The following SLC35F4 variants were observed in gnomAD, a reference collection of about 807,000 sequenced individuals.
SLC35F4 encodes the protein chromosome 14 open reading frame 36.
SLC35F4 carries 24 observed loss-of-function variants against 44.2 expected under a neutral mutation model. The observed-to-expected ratio is 0.54, with a 90% CI of 0.39 to 0.76. The LOEUF is 0.76. Ranked by LOEUF, SLC35F4 falls within the 30% of genes least tolerant of loss-of-function variation. The probability of loss-of-function intolerance (pLI) is 0.00; values close to 1 mark genes in which losing one functional copy is unlikely to be tolerated. For missense variants in SLC35F4, 562 were observed against 586.1 expected, an observed-to-expected ratio of 0.96 and a Z score of 0.42; for synonymous variants, 238 against 223.6, an observed-to-expected ratio of 1.06 and a Z score of -0.57.
downstream of SLC35F4, among the ~76,000 whole-genome samples, chr14:57,972,060 T>C (rs1240679499): frequency 2.6e-5 from 4 of 151,988 alleles, no homozygotes. Context: ...ATGAGGAACA[T>C]TACAGGCAAA....
chr14:57,617,091 CCATATT>C (rs1297775210), intron 1 of SLC35F4, among the ~76,000 whole-genome samples: 11 of 150,872 alleles, frequency 7.3e-5, no homozygotes, highest in South Asian at 6.3e-4. Context: ...TAGGGAAACC[CCATATT>C]GGAAATTCGA....
At chr14:57,767,203 T>C (rs1204098282) in intron 1 of SLC35F4, among the ~76,000 whole-genome samples, 2 of 152,166 alleles carry the variant, frequency 1.3e-5, no homozygotes, top group African/African-American at 4.8e-5. Context: ...AGCAAGGACA[T>C]AGAGGATCTG....
intron 1 of SLC35F4, among the ~76,000 whole-genome samples, chr14:57,795,293 C>T (rs969292215): frequency 6.6e-6 from 1 of 152,114 alleles, no homozygotes; most frequent in Admixed American, 6.6e-5. Flanking sequence ...TTTGTTCTGT[C>T]TATGACTTTC....
intron 1 of SLC35F4, among the ~76,000 whole-genome samples, chr14:57,667,337 GTTTAT>G (rs968317239): frequency 3.0e-5 from 4 of 134,302 alleles, no homozygotes; most frequent in African/African-American, 7.4e-5. Flanking sequence ...TGTTGTTGTT[GTTTAT>G]TTATTTTTAC....
chr14:57,934,115 G>A (rs1889752124), intron 1 of SLC35F4, among the ~76,000 whole-genome samples: 1 of 152,010 alleles, frequency 6.6e-6, no homozygotes, highest in South Asian at 2.1e-4. Flanking sequence ...AAGGAGAGAA[G>A]CAGTTATTTT....
At chr14:57,762,309 C>T (rs911151458) in intron 1 of SLC35F4, among the ~76,000 whole-genome samples, 1 of 152,104 alleles carries the variant, frequency 6.6e-6, no homozygotes, top group Non-Finnish European at 1.5e-5. Flanking sequence ...CATTCTGGAA[C>T]TTTCATTTTG....
At chr14:57,659,914 C>T (rs2140232420) in intron 1 of SLC35F4, among the ~76,000 whole-genome samples, 1 of 152,208 alleles carries the variant, frequency 6.6e-6, no homozygotes, top group Admixed American at 6.5e-5. Flanking sequence ...TACAAGAAGC[C>T]TGCCAAAGAA....
At chr14:57,979,637 T>A (rs1881320330) in intron 1 of SLC35F4, among the ~76,000 whole-genome samples, 1 of 151,790 alleles carries the variant, frequency 6.6e-6, no homozygotes, top group South Asian at 2.1e-4. Context: ...CCTTGACCAA[T>A]GCAAGAGGGA....
intron 1 of SLC35F4, among the ~76,000 whole-genome samples, chr14:57,646,379 C>T (rs561217988): frequency 1.7e-4 from 26 of 152,066 alleles, no homozygotes; most frequent in Non-Finnish European, 2.9e-4. Context: ...GGAATTTATC[C>T]ATTTCTTCTA....
chr14:57,880,165 T>G (rs914604222), intron 1 of SLC35F4, among the ~76,000 whole-genome samples: 6 of 152,118 alleles, frequency 3.9e-5, no homozygotes, highest in Non-Finnish European at 1.5e-5. Context: ...GTTTCCTCAT[T>G]TTTAAAATGG....
chr14:57,705,468 A>G (rs1286973417), intron 1 of SLC35F4, among the ~76,000 whole-genome samples: 1 of 152,160 alleles, frequency 6.6e-6, no homozygotes, highest in African/African-American at 2.4e-5. Context: ...CGCATCCCAG[A>G]AAGCTGCCCT....
intron 1 of SLC35F4, among the ~76,000 whole-genome samples, chr14:57,650,104 C>A (rs962830546): frequency 3.3e-5 from 5 of 152,076 alleles, no homozygotes; most frequent in Non-Finnish European, 5.9e-5. Context: ...ACTTCTCCAC[C>A]TTATCATTAA....
chr14:57,589,179 C>G, intron 3 of SLC35F4, 37 bp downstream of exon 3: 1 of 1,542,524 alleles, frequency 6.5e-7, no homozygotes, highest in Non-Finnish European at 8.7e-7. Flanking sequence ...TAAAACATTT[C>G]AATGATCTCT....
chr14:57,764,311 C>T lies in SLC35F4; in HGVS notation c.103+101412G>A, dbSNP rs183567224. ...CCTTTTGGTCTCCTTGCTGTAGGTT[C>T]TAAAAAAAAAAGAGAGCCACTTTGG... On this transcript the variant is annotated intron_variant, in intron 1 of 7. Transcript: ENST00000556826. Among the ~76,000 whole-genome samples, 51 of 151,064 alleles carry T rather than the reference C, an allele frequency of 3.4e-4. No homozygotes were observed. In the East Asian group the frequency reaches 9.5e-3, roughly 28 times the overall value.
chr14:57,625,564 A>G (rs532334748), intron 1 of SLC35F4, among the ~76,000 whole-genome samples: 1 of 152,344 alleles, frequency 6.6e-6, no homozygotes, highest in Non-Finnish European at 1.5e-5. Flanking sequence ...CTACAAGGCT[A>G]CAGAAACCAA....
chr14:57,946,522 T>C (rs1364013279), intron 1 of SLC35F4, among the ~76,000 whole-genome samples: 2 of 147,102 alleles, frequency 1.4e-5, no homozygotes, highest in Non-Finnish European at 3.0e-5. Flanking sequence ...TCACCCAGGT[T>C]GGAGTGCAGT....
chr14:57,599,820 C>T (rs746643538), intron 1 of SLC35F4, among the ~76,000 whole-genome samples: 3 of 108,558 alleles, frequency 2.8e-5, no homozygotes, highest in Admixed American at 9.5e-5. Flanking sequence ...AAAAAAAAAA[C>T]AACACCAGAA....
rs572660364 is a variant in SLC35F4, at chr14:57,865,989, A to AGCGGCGGCG, written c.-173_-165dup. 5.3e-4 allele frequency: 198 copies of AGCGGCGGCG among 373,324 alleles called. No individual in the cohort carries two copies. Among genetic ancestry groups the AGCGGCGGCG allele is most frequent in the East Asian group, 3.3e-3 (61 of 18,292 alleles). 23.1% of individuals were successfully genotyped at this position (373,324 alleles called of 1,614,324 possible). On this transcript the variant is annotated 5_prime_UTR_variant, in exon 1 of 8. Transcript: ENST00000556826. ...CGGCGCAGCACCGGCTCCGCATCAC[A>AGCGGCGGCG]GCGGCGGCGGCGGCGGCGGCGGCGG...
chr14:57,942,213 T>C (rs1346284189), intron 1 of SLC35F4, among the ~76,000 whole-genome samples: 2 of 152,222 alleles, frequency 1.3e-5, no homozygotes, highest in Non-Finnish European at 2.9e-5. Flanking sequence ...TCCAGCTTAA[T>C]GTTGAGCCCC....
Sources: gnomAD v4.1 joint callset for allele counts (sites outside exome capture counted in the v4.1 genomes callset) on GRCh38, gnomAD v4.1.1 for gene constraint, MANE v1.5 for transcripts, NCBI Gene and HGNC (gene_info 2026-07-23, HGNC 2026-07-21) for gene names.